The following TENM4 variants were observed in gnomAD, a reference collection of about 807,000 sequenced individuals.
The protein encoded by TENM4 is teneurin-4.
Under a neutral mutation model 243.3 loss-of-function variants are expected in TENM4, and 82 were observed. That is an observed-to-expected ratio of 0.34 (90% CI 0.28 to 0.40). The LOEUF (loss-of-function observed/expected upper bound fraction) is 0.40, where lower values mean the gene tolerates loss of function less well. Among genes scored for constraint, TENM4 ranks in the 10% least tolerant of loss-of-function variants. The pLI, the probability that TENM4 is intolerant of heterozygous loss-of-function variation, is 1.00. For synonymous variants in TENM4, 1,412 were observed against 1,456.3 expected, an observed-to-expected ratio of 0.97 and a Z score of 0.69; for missense variants, 3,138 against 3,673.3, an observed-to-expected ratio of 0.85 and a Z score of 3.77.
chr11:79,290,741 T>C (rs1203035796), intron 2 of TENM4, among the ~76,000 whole-genome samples: 2 of 152,154 alleles, frequency 1.3e-5, no homozygotes, highest in Non-Finnish European at 2.9e-5. Context: ...ATTTTATTGA[T>C]GGGAAACTCA....
intron 6 of TENM4, among the ~76,000 whole-genome samples, chr11:78,927,376 A>G (rs1856575470): frequency 6.6e-6 from 1 of 152,188 alleles, no homozygotes; most frequent in Admixed American, 6.5e-5. Flanking sequence ...AGCTGGCTCT[A>G]CTCCACCTCT....
chr11:78,895,797 C>A (rs1299432229), intron 7 of TENM4, among the ~76,000 whole-genome samples: 1 of 152,184 alleles, frequency 6.6e-6, no homozygotes, highest in East Asian at 1.9e-4. Context: ...AAGTGCCCAG[C>A]ATACAGGAAA....
chr11:79,233,786 T>G (rs950828712), intron 2 of TENM4, among the ~76,000 whole-genome samples: 6 of 152,192 alleles, frequency 3.9e-5, no homozygotes, highest in Non-Finnish European at 8.8e-5. Flanking sequence ...TTGGTTAAGA[T>G]GGCTCAGAAA....
chr11:78,983,270 T>C (rs2136633781), intron 6 of TENM4, among the ~76,000 whole-genome samples: 1 of 152,318 alleles, frequency 6.6e-6, no homozygotes, highest in East Asian at 1.9e-4. Context: ...GGTCAGGAAC[T>C]GGTGATAGAC....
intron 2 of TENM4, among the ~76,000 whole-genome samples, chr11:79,250,266 C>T (rs1020068366): frequency 2.0e-5 from 3 of 152,324 alleles, no homozygotes; most frequent in Middle Eastern, 3.4e-3. Flanking sequence ...GGATTACAGG[C>T]GTGAGCCACC....
chr11:79,209,186 C>T (rs1863907309), intron 3 of TENM4, among the ~76,000 whole-genome samples: 1 of 152,314 alleles, frequency 6.6e-6, no homozygotes, highest in Admixed American at 6.5e-5. Context: ...CACTGTGCAG[C>T]TTCCCTACTC....
chr11:79,249,844 GT>G (rs1450839016), intron 2 of TENM4, among the ~76,000 whole-genome samples: 20 of 152,196 alleles, frequency 1.3e-4, no homozygotes, highest in African/African-American at 4.6e-4. Flanking sequence ...TGTATGTCAG[GT>G]GACTATTCCA....
At chr11:79,266,259 T>C (rs944834979) in intron 2 of TENM4, among the ~76,000 whole-genome samples, 3 of 152,212 alleles carry the variant, frequency 2.0e-5, no homozygotes, top group Non-Finnish European at 4.4e-5. Context: ...TCTTTATACA[T>C]TCCTTAATCT....
Position 79,164,107 on chromosome 11 carries a change from TACA to T in TENM4, c.-162-15304_-162-15302del, listed in dbSNP as rs1448832292. On this transcript the variant is annotated intron_variant, in intron 3 of 33. Coordinates refer to ENST00000278550, the MANE Select transcript of TENM4 (RefSeq NM_001098816.3). ...ATATACTATGTATATATAGTATATA[TACA>T]CTATATATACTATGTATATATAGTA... Among the ~76,000 whole-genome samples the T allele has an allele frequency of 1.4e-4, 16 of 115,230 alleles. No individual in the cohort carries two copies. In the South Asian group the frequency reaches 1.9e-3, roughly 13 times the overall value. 75.6% of individuals were successfully genotyped at this position (115,230 alleles called of 152,430 possible).
At chr11:78,703,196 T>C (rs1859151241) in intron 27 of TENM4, among the ~76,000 whole-genome samples, 3 of 152,186 alleles carry the variant, frequency 2.0e-5, no homozygotes, top group Non-Finnish European at 2.9e-5. Flanking sequence ...GTGATCCTGA[T>C]GTGGGCTTGA....
intron 6 of TENM4, among the ~76,000 whole-genome samples, chr11:78,932,895 C>T (rs540776605): frequency 2.0e-5 from 3 of 152,318 alleles, no homozygotes; most frequent in East Asian, 3.9e-4. Flanking sequence ...CCTGTCATCT[C>T]CTGCTGTGCG....
At chr11:79,145,745 T>A (rs1020885198) in intron 4 of TENM4, among the ~76,000 whole-genome samples, 1 of 152,142 alleles carries the variant, frequency 6.6e-6, no homozygotes, top group Non-Finnish European at 1.5e-5. Context: ...ACATTTCAGC[T>A]AACAGTGTGT....
At chr11:79,033,665 C>G (rs1859304909) in intron 6 of TENM4, among the ~76,000 whole-genome samples, 1 of 152,152 alleles carries the variant, frequency 6.6e-6, no homozygotes, top group Non-Finnish European at 1.5e-5. Flanking sequence ...GGGAATTTGT[C>G]CCATAAGAGC....
intron 1 of TENM4, among the ~76,000 whole-genome samples, chr11:79,370,708 G>C (rs1857764574): frequency 7.2e-6 from 1 of 137,990 alleles, no homozygotes. Context: ...TGACCTGGAG[G>C]TCACTTCTTA....
At chr11:79,341,918 C>T (rs1176889491) in intron 1 of TENM4, among the ~76,000 whole-genome samples, 1 of 152,158 alleles carries the variant, frequency 6.6e-6, no homozygotes. Flanking sequence ...TACCCTAAGC[C>T]TCAATTTCTT....
chr11:79,065,462 G>C (rs1860220396), intron 5 of TENM4, among the ~76,000 whole-genome samples: 2 of 152,152 alleles, frequency 1.3e-5, no homozygotes, highest in African/African-American at 4.8e-5. Flanking sequence ...ACTCAGAAGG[G>C]GCTCAATAAA....
At chr11:78,748,302 T>C (rs1156321971) in intron 19 of TENM4, among the ~76,000 whole-genome samples, 1 of 152,208 alleles carries the variant, frequency 6.6e-6, no homozygotes, top group Non-Finnish European at 1.5e-5. Context: ...TGGATTATTA[T>C]TTTCATAGTG....
At chr11:79,118,130 G>C (rs552391148) in intron 4 of TENM4, among the ~76,000 whole-genome samples, 1 of 152,116 alleles carries the variant, frequency 6.6e-6, no homozygotes, top group East Asian at 1.9e-4. Flanking sequence ...TAAAATTGAG[G>C]TTCAGAGGCT....
intron 4 of TENM4, among the ~76,000 whole-genome samples, chr11:79,145,151 G>A (rs1862373999): frequency 6.6e-6 from 1 of 151,908 alleles, no homozygotes; most frequent in Non-Finnish European, 1.5e-5. Flanking sequence ...ATATTTAGAG[G>A]GACATGTAAC....
Sources: gnomAD v4.1 joint callset for allele counts (sites outside exome capture counted in the v4.1 genomes callset) on GRCh38, gnomAD v4.1.1 for gene constraint, MANE v1.5 for transcripts, NCBI Gene and HGNC (gene_info 2026-07-23, HGNC 2026-07-21) for gene names.